EYA2: variants seen among roughly 807,000 people sequenced by gnomAD.
EYA2 encodes protein phosphatase EYA2.
Under a neutral mutation model 69.2 loss-of-function variants are expected in EYA2, and 31 were observed. That is an observed-to-expected ratio of 0.45 (90% CI 0.34 to 0.60). The LOEUF (loss-of-function observed/expected upper bound fraction) is 0.60, where lower values mean the gene tolerates loss of function less well. Ranked by LOEUF, EYA2 falls within the 20% of genes least tolerant of loss-of-function variation. The pLI, the probability that EYA2 is intolerant of heterozygous loss-of-function variation, is 0.02. For missense variants in EYA2, 622 were observed against 701.2 expected (o/e 0.89, Z 1.28); for synonymous variants, 257 against 279.4 (o/e 0.92, Z 0.80).
At chr20:47,050,278 G>C (rs6066180) in intron 5 of EYA2, among the ~76,000 whole-genome samples, 3 of 151,990 alleles carry the variant, frequency 2.0e-5, no homozygotes, top group African/African-American at 4.8e-5. Context: ...AATGCTTTCT[G>C]TATGTAGCGA....
At chr20:47,165,557 G>A (rs113832781) in intron 10 of EYA2, among the ~76,000 whole-genome samples, 357 of 152,286 alleles carry the variant, frequency 2.3e-3, no homozygotes, top group Non-Finnish European at 4.0e-3. Flanking sequence ...GGCCTTAAGA[G>A]CACACCACTG....
intron 9 of EYA2, among the ~76,000 whole-genome samples, chr20:47,100,409 C>T (rs566739422): frequency 7.2e-5 from 11 of 152,332 alleles, no homozygotes; most frequent in African/African-American, 2.6e-4. Context: ...CCATCGCAGC[C>T]CCCACCTGGC....
intron 14 of EYA2, among the ~76,000 whole-genome samples, chr20:47,181,326 A>G (rs2034533625): frequency 6.6e-6 from 1 of 152,046 alleles, no homozygotes; most frequent in Admixed American, 6.6e-5. Context: ...CTCCCGTTTT[A>G]TTTTTCCACC....
chr20:47,161,336 G>C (rs574568561), intron 10 of EYA2: 8 of 482,796 alleles, frequency 1.7e-5, no homozygotes, highest in Non-Finnish European at 3.1e-5. Flanking sequence ...TATAGTCACC[G>C]ATGACAATAA....
chr20:47,143,231 CTTTCTT>C (rs10679607), intron 10 of EYA2, 83 bp downstream of exon 10: 9 of 1,177,644 alleles, frequency 7.6e-6, no homozygotes, highest in African/African-American at 3.2e-5. Context: ...GCTGCCTTTC[CTTTCTT>C]TTTCTTTTTC....
At position 47,089,241 on chromosome 20, in the gene EYA2, G is replaced by A; in HGVS notation, c.664G>A (p.Glu222Lys). Residue 222 changes from glutamate to lysine, a missense_variant and splice_region_variant, in exon 8 of 16, where the codon GAA becomes AAA. Physicochemically the swap from Glu to Lys is moderately conservative, Grantham distance 56. This residue lies in a region of EYA2 where 365 missense variants were observed against 349.7 expected (regional missense o/e 1.04). Coordinates refer to ENST00000327619, the MANE Select transcript of EYA2 (RefSeq NM_005244.5). ...CACCATTCCCTTTCTTACGCCAGGT[G>A]AATACAACACACACAATGGACCTTC... ...PNQSSESLAG[E>K]YNTHNGPSTP... The A allele has an allele frequency of 6.2e-7, 1 of 1,613,870 alleles. No individual in the cohort carries two copies. The highest frequency in any genetic ancestry group is 8.5e-7 in the Non-Finnish European group (1 of 1,179,898).
At chr20:46,907,582 T>C (rs1984421859) in intron 1 of EYA2, among the ~76,000 whole-genome samples, 1 of 152,210 alleles carries the variant, frequency 6.6e-6, no homozygotes, top group Non-Finnish European at 1.5e-5. Context: ...CTCACACCCG[T>C]AACCCCAGCG....
chr20:47,172,976 AC>A, intron 12 of EYA2, 109 bp downstream of exon 12: 2 of 1,266,220 alleles, frequency 1.6e-6, no homozygotes, highest in South Asian at 1.5e-5. Context: ...CAAGTTCAGT[AC>A]CAGCCCACTT....
At chr20:46,978,053 C>T (rs1980568158) in intron 1 of EYA2, among the ~76,000 whole-genome samples, 1 of 152,238 alleles carries the variant, frequency 6.6e-6, no homozygotes, top group Non-Finnish European at 1.5e-5. Context: ...GGTCTGCCCA[C>T]GGCTCCAGGT....
intron 5 of EYA2, among the ~76,000 whole-genome samples, chr20:47,064,314 T>C (rs575077151): frequency 6.6e-6 from 1 of 152,310 alleles, no homozygotes; most frequent in South Asian, 2.1e-4. Context: ...GTATCAGAAT[T>C]TCATTCCTCT....
chr20:47,024,667 C>T (rs1448628084), intron 5 of EYA2, among the ~76,000 whole-genome samples: 5 of 152,236 alleles, frequency 3.3e-5, no homozygotes, highest in Non-Finnish European at 5.9e-5. Flanking sequence ...AGAGAGACCA[C>T]GGGCCTCCAC....
At chr20:47,051,193 C>T (rs1259488086) in intron 5 of EYA2, among the ~76,000 whole-genome samples, 5 of 152,246 alleles carry the variant, frequency 3.3e-5, no homozygotes, top group Non-Finnish European at 7.3e-5. Context: ...CATCACAGCA[C>T]GTTCTGCATC....
chr20:47,119,412 T>C (rs1304121252), intron 9 of EYA2, among the ~76,000 whole-genome samples: 1 of 152,176 alleles, frequency 6.6e-6, no homozygotes, highest in African/African-American at 2.4e-5. Context: ...AGCAGAAATA[T>C]GCAGTCTCGG....
chr20:46,936,250 C>T (rs576188260), intron 1 of EYA2, among the ~76,000 whole-genome samples: 2 of 152,316 alleles, frequency 1.3e-5, no homozygotes, highest in African/African-American at 2.4e-5. Flanking sequence ...GCAGGCAGAT[C>T]GCCTGAGGCC....
chr20:47,054,044 AAATT>A (rs1187442378), intron 5 of EYA2, among the ~76,000 whole-genome samples: 2 of 152,168 alleles, frequency 1.3e-5, no homozygotes, highest in Non-Finnish European at 2.9e-5. Context: ...CATGAGGATT[AAATT>A]AATTAATACA....
chr20:47,152,759 C>T (rs2033847904), intron 10 of EYA2, among the ~76,000 whole-genome samples: 1 of 149,792 alleles, frequency 6.7e-6, no homozygotes. Context: ...CGCGGTGAGC[C>T]GAGATCGCGC....
At chr20:47,129,541 A>G (rs2033282829) in intron 9 of EYA2, among the ~76,000 whole-genome samples, 1 of 152,224 alleles carries the variant, frequency 6.6e-6, no homozygotes, top group Admixed American at 6.5e-5. Context: ...AGAGCACATG[A>G]GGCCACTAGA....
intron 1 of EYA2, among the ~76,000 whole-genome samples, chr20:46,971,996 A>G (rs1400497177): frequency 6.6e-6 from 1 of 152,250 alleles, no homozygotes; most frequent in Non-Finnish European, 1.5e-5. Context: ...ATTTTAAGAT[A>G]GTGATCAGAA....
intron 1 of EYA2, among the ~76,000 whole-genome samples, chr20:46,913,710 A>C (rs1353593460): frequency 6.6e-6 from 1 of 152,086 alleles, no homozygotes; most frequent in East Asian, 1.9e-4. Context: ...CTGGGAAGGG[A>C]TATGAAGAGA....
Sources: allele counts gnomAD v4.1 joint callset (sites outside exome capture counted in the v4.1 genomes callset), GRCh38; gene constraint gnomAD v4.1.1; regional missense constraint gnomAD v4.1.1; transcripts MANE v1.5; gene names NCBI Gene and HGNC (gene_info 2026-07-23, HGNC 2026-07-21).